The following HTRA1 variants were observed in gnomAD, a reference collection of about 807,000 sequenced individuals.
HTRA1 encodes the protein HtrA serine peptidase 1, also known as serine protease HTRA1.
Under a neutral mutation model 49.7 loss-of-function variants are expected in HTRA1, and 26 were observed. The ratio of observed to expected loss-of-function variants is 0.52; its 90% CI spans 0.38 to 0.73. HTRA1 has a LOEUF of 0.73. Among genes scored for constraint, HTRA1 ranks in the 30% least tolerant of loss-of-function variants. The pLI is 0.00. For missense variants in HTRA1, 561 were observed against 667.2 expected (o/e 0.84, Z 1.75); for synonymous variants, 291 against 286.9 (o/e 1.01, Z -0.14).
intron 1 of HTRA1, among the ~76,000 whole-genome samples, chr10:122,466,946 TAAC>T (rs145482138): frequency 0.047 from 7,168 of 152,232 alleles, 567 homozygotes; most frequent in African/African-American, 0.17. Context: ...ATTAGGAAGT[TAAC>T]AAGCTCAAAA....
At chr10:122,478,161 AAAGTGG>A (rs1186106865) in intron 1 of HTRA1, among the ~76,000 whole-genome samples, 1 of 152,320 alleles carries the variant, frequency 6.6e-6, no homozygotes, top group African/African-American at 2.4e-5. Context: ...GCTGGTATTT[AAAGTGG>A]AAGAAATCAG....
chr10:122,506,045 G>T lies in HTRA1; in HGVS notation c.778-646G>T, dbSNP rs1265376449. Among the ~76,000 whole-genome samples the T allele has an allele frequency of 6.6e-5, 10 of 152,194 alleles. No individual in the cohort carries two copies. The highest frequency in any genetic ancestry group is 1.2e-4 in the Non-Finnish European group (8 of 68,044). ...AGCCTGCCCAGACCAGGAAGCACAG[G>T]TGGCTGACAGAGGGCCGTTTCAGGA... On this transcript the variant is annotated intron_variant, in intron 3 of 8. Coordinates refer to ENST00000368984, the MANE Select transcript of HTRA1 (RefSeq NM_002775.5). The surrounding 1 kb of genome is among the most constrained non-coding windows in gnomAD (Gnocchi z 5.2).
In HTRA1 at chr10:122,496,228, C is replaced by CTTTTT. The variant is rs71026021; in HGVS notation, c.777+6629_777+6633dup. On this transcript the variant is annotated intron_variant, in intron 3 of 8. Transcript: ENST00000368984. ...TTTCGTTTGCCAGAGATTGTGGGTTCTTTTTTTTTTTTTTTTTTTTTTTTT... is the reference window on the plus strand; with the variant it reads ...TTTCGTTTGCCAGAGATTGTGGGTTCTTTTTTTTTTTTTTTTTTTTTTTTTTTTTT... 2.6e-3 allele frequency among the ~76,000 whole-genome samples: 193 copies of CTTTTT among 75,626 alleles called. 13 individuals are homozygous for CTTTTT. The highest frequency in any genetic ancestry group is 9.6e-3 in the African/African-American group (177 of 18,518). 49.6% of individuals were successfully genotyped at this position (75,626 alleles called of 152,430 possible). A position where few individuals can be genotyped will look rare whatever the true frequency, so the allele number is the denominator to read the frequency against.
At chr10:122,512,190 C>T (rs899972476) in intron 8 of HTRA1, 125 bp downstream of exon 8, 46 of 797,836 alleles carry the variant, frequency 5.8e-5, no homozygotes, top group African/African-American at 3.7e-4. Context: ...CAGACGTGGT[C>T]GGACGTTGCT....
chr10:122,467,049 G>A (rs2097484057), intron 1 of HTRA1, among the ~76,000 whole-genome samples: 1 of 152,184 alleles, frequency 6.6e-6, no homozygotes, highest in African/African-American at 2.4e-5. Context: ...AAGTGATGGT[G>A]GCGGGCACCA....
At chr10:122,477,530 G>C (rs897530223) in intron 1 of HTRA1, among the ~76,000 whole-genome samples, 2 of 152,200 alleles carry the variant, frequency 1.3e-5, no homozygotes, top group Non-Finnish European at 2.9e-5. Context: ...GTGTGTCCCA[G>C]ACTTCACTGA....
chr10:122,472,195 T>G lies in HTRA1; in HGVS notation c.472+10071T>G, dbSNP rs1269619363. ...TCCTAGCATAAGGACTCTTTTTTTT[T>G]GTATCTTTTCTCTCTACTTTTTAGA... On this transcript the variant is annotated intron_variant, in intron 1 of 8. Transcript: ENST00000368984. Among the ~76,000 whole-genome samples, 6 of 152,118 alleles carry G rather than the reference T, an allele frequency of 3.9e-5. No homozygotes were observed. The East Asian group carries it at 1.2e-3, about 29-fold the overall frequency.
intron 1 of HTRA1, among the ~76,000 whole-genome samples, chr10:122,465,235 T>C (rs1487369290): frequency 6.6e-6 from 1 of 152,164 alleles, no homozygotes; most frequent in African/African-American, 2.4e-5. Context: ...GATGGGAAAG[T>C]ATACAATTCA....
intron 4 of HTRA1, among the ~76,000 whole-genome samples, 180 bp from the exon 5 acceptor site, chr10:122,507,190 T>G (rs1175502445): frequency 6.6e-6 from 1 of 152,186 alleles, no homozygotes; most frequent in Non-Finnish European, 1.5e-5. Flanking sequence ...CCTCTAAAAC[T>G]TTCTGAAAAT....
At chr10:122,492,436 T>C (rs918108395) in intron 3 of HTRA1, among the ~76,000 whole-genome samples, 2 of 152,140 alleles carry the variant, frequency 1.3e-5, no homozygotes, top group Non-Finnish European at 2.9e-5. Flanking sequence ...AGGACTCAAG[T>C]GATTCTCCTG....
chr10:122,477,232 G>T (rs192371248), intron 1 of HTRA1, among the ~76,000 whole-genome samples: 5 of 152,136 alleles, frequency 3.3e-5, no homozygotes, highest in Admixed American at 6.5e-5. Context: ...CTCCCAAAGC[G>T]CTGGGATTAC....
chr10:122,508,609 C>A (rs200660606), intron 5 of HTRA1, 47 bp from the exon 6 acceptor site: 3 of 1,204,010 alleles, frequency 2.5e-6, no homozygotes, highest in Non-Finnish European at 3.7e-6. Context: ...GTGTACCTGC[C>A]GGTAAAGCTT....
intron 5 of HTRA1, among the ~76,000 whole-genome samples, chr10:122,508,383 A>G (rs2097504089): frequency 6.6e-6 from 1 of 152,246 alleles, no homozygotes; most frequent in South Asian, 2.1e-4. Flanking sequence ...GGAGCAAATC[A>G]TATCGTGCAT....
chr10:122,491,574 A>G (rs72834478), intron 3 of HTRA1, among the ~76,000 whole-genome samples: 30,831 of 152,306 alleles, frequency 0.2, 4,525 homozygotes, highest in African/African-American at 0.41. Context: ...GCGTGGGCAC[A>G]TACCGTGCGG....
intron 1 of HTRA1, among the ~76,000 whole-genome samples, chr10:122,478,419 C>T (rs1475963633): frequency 9.1e-6 from 1 of 109,962 alleles, no homozygotes; most frequent in Non-Finnish European, 1.8e-5. Context: ...TTGAGACGGA[C>T]TCTCACTCTG....
intron 3 of HTRA1, among the ~76,000 whole-genome samples, chr10:122,500,872 G>A (rs975662513): frequency 1.3e-5 from 2 of 152,106 alleles, no homozygotes; most frequent in African/African-American, 4.8e-5. Flanking sequence ...CCCTTCCCGT[G>A]GTGGGCCCCT....
intron 8 of HTRA1, among the ~76,000 whole-genome samples, chr10:122,513,412 A>G (rs1372860283): frequency 1.3e-5 from 2 of 152,072 alleles, no homozygotes; most frequent in Non-Finnish European, 2.9e-5. Context: ...TTTGGGGTCA[A>G]TCTTGACCTT....
At chr10:122,466,295 A>G (rs1441655961) in intron 1 of HTRA1, among the ~76,000 whole-genome samples, 1 of 152,014 alleles carries the variant, frequency 6.6e-6, no homozygotes, top group Non-Finnish European at 1.5e-5. Flanking sequence ...CCTCCAGAGT[A>G]GCTGGGACTA....
chr10:122,512,215 G>A, intron 8 of HTRA1, 150 bp downstream of exon 8: 1 of 722,572 alleles, frequency 1.4e-6, no homozygotes, highest in Non-Finnish European at 2.5e-6. Flanking sequence ...ATTCCTGCTG[G>A]CCAGGCCTTC....
Sources: gnomAD v4.1 joint callset for allele counts (sites outside exome capture counted in the v4.1 genomes callset) on GRCh38, gnomAD v4.1.1 for gene constraint, Gnocchi (gnomAD v3.1) non-coding constraint, MANE v1.5 for transcripts, NCBI Gene and HGNC (gene_info 2026-07-23, HGNC 2026-07-21) for gene names.